The following OXR1 variants were observed in gnomAD, a reference collection of about 807,000 sequenced individuals.
OXR1 encodes oxidation resistance protein 1.
Under a neutral mutation model 104.6 loss-of-function variants are expected in OXR1, and 41 were observed. That is an observed-to-expected ratio of 0.39 (90% CI 0.31 to 0.51). OXR1 has a LOEUF of 0.51. Ranked by LOEUF, OXR1 falls within the 20% of genes least tolerant of loss-of-function variation. The pLI, the probability that OXR1 is intolerant of heterozygous loss-of-function variation, is 0.77. For missense variants in OXR1, 955 were observed against 1,031.9 expected (o/e 0.93, Z 1.02); for synonymous variants, 348 against 348.4 (o/e 1.00, Z 0.01).
At chr8:106,612,155 G>T (rs1820865426) in intron 3 of OXR1, among the ~76,000 whole-genome samples, 1 of 151,386 alleles carries the variant, frequency 6.6e-6, no homozygotes, top group Non-Finnish European at 1.5e-5. Context: ...ATACCTTAAA[G>T]ATTGTCTACC....
At chr8:106,644,629 G>A (rs72682819) in intron 3 of OXR1, among the ~76,000 whole-genome samples, 2,160 of 152,154 alleles carry the variant, frequency 0.014, 28 homozygotes, top group South Asian at 0.062. Context: ...CTGAGGCAGG[G>A]GCTGAGGCAC....
At chr8:106,687,462 G>C (rs1459860834) in intron 6 of OXR1, among the ~76,000 whole-genome samples, 1 of 151,980 alleles carries the variant, frequency 6.6e-6, no homozygotes, top group African/African-American at 2.4e-5. Context: ...GGCTCACGCT[G>C]GTAATCCCAG....
chr8:106,282,600 A>G (rs190794364), intron 1 of OXR1, among the ~76,000 whole-genome samples: 1 of 152,362 alleles, frequency 6.6e-6, no homozygotes. Flanking sequence ...AAAAGAAAGT[A>G]AACTAGAGAA....
At chr8:106,568,120 C>T (rs1817213877) in intron 3 of OXR1, among the ~76,000 whole-genome samples, 2 of 152,028 alleles carry the variant, frequency 1.3e-5, no homozygotes, top group Admixed American at 6.6e-5. Context: ...ATCTTGTTTT[C>T]TTCTGCACTA....
At chr8:106,743,107 A>G (rs1835061989) in intron 15 of OXR1, among the ~76,000 whole-genome samples, 1 of 152,102 alleles carries the variant, frequency 6.6e-6, no homozygotes, top group Non-Finnish European at 1.5e-5. Context: ...GAAAAAAAAC[A>G]CCATTGAAAA....
intron 2 of OXR1, among the ~76,000 whole-genome samples, chr8:106,383,784 G>A (rs141497473): frequency 8.1e-4 from 123 of 152,230 alleles, no homozygotes; most frequent in African/African-American, 2.7e-3. Flanking sequence ...GCCATACATC[G>A]TAAGCCAAGT....
At chr8:106,535,400 A>G (rs1205616173) in intron 3 of OXR1, among the ~76,000 whole-genome samples, 1 of 152,226 alleles carries the variant, frequency 6.6e-6, no homozygotes, top group Admixed American at 6.5e-5. Context: ...TCTGGAAAGA[A>G]GGAGAGAAAC....
chr8:106,718,696 G>A (rs539348396), intron 11 of OXR1, among the ~76,000 whole-genome samples: 8 of 151,998 alleles, frequency 5.3e-5, no homozygotes, highest in South Asian at 2.1e-4. Flanking sequence ...AAAATTAGCC[G>A]GGCGTGGTGG....
chr8:106,748,964 T>C (rs947112000), intron 16 of OXR1, among the ~76,000 whole-genome samples: 1 of 152,218 alleles, frequency 6.6e-6, no homozygotes, highest in African/African-American at 2.4e-5. Flanking sequence ...ATGTAATTAA[T>C]ATACATTATA....
At chr8:106,642,093 CAATT>C (rs1823700050) in intron 3 of OXR1, among the ~76,000 whole-genome samples, 1 of 152,022 alleles carries the variant, frequency 6.6e-6, no homozygotes, top group Admixed American at 6.6e-5. Flanking sequence ...TTATTTTTCT[CAATT>C]AAGAAGAATG....
intron 1 of OXR1, among the ~76,000 whole-genome samples, chr8:106,297,641 G>A (rs1813054957): frequency 1.3e-5 from 2 of 152,156 alleles, no homozygotes; most frequent in South Asian, 2.1e-4. Context: ...TGGGACCACT[G>A]TCTTATATGC....
At chr8:106,284,507 T>C (rs961008485) in intron 1 of OXR1, among the ~76,000 whole-genome samples, 13 of 152,148 alleles carry the variant, frequency 8.5e-5, no homozygotes, top group Non-Finnish European at 1.5e-4. Context: ...CATAATGATA[T>C]CTATTTTCCA....
intron 7 of OXR1, among the ~76,000 whole-genome samples, chr8:106,693,606 T>C (rs373774370): frequency 6.6e-6 from 1 of 151,956 alleles, no homozygotes; most frequent in Non-Finnish European, 1.5e-5. Flanking sequence ...ACTTTTTGTA[T>C]TTTTAGTAGA....
chr8:106,490,743 G>T (rs540730258), intron 2 of OXR1, among the ~76,000 whole-genome samples: 1 of 152,196 alleles, frequency 6.6e-6, no homozygotes, highest in East Asian at 1.9e-4. Context: ...GGAAATGTAA[G>T]TGGGCAAGCA....
At chr8:106,342,667 A>G (rs753156607) in intron 1 of OXR1, among the ~76,000 whole-genome samples, 2 of 152,056 alleles carry the variant, frequency 1.3e-5, no homozygotes, top group Non-Finnish European at 2.9e-5. Flanking sequence ...TGTGCAGCCC[A>G]TACCAGTTTG....
chr8:106,526,744 T>C (rs923505905), intron 3 of OXR1, among the ~76,000 whole-genome samples: 17 of 152,286 alleles, frequency 1.1e-4, no homozygotes, highest in South Asian at 4.1e-4. Flanking sequence ...AGGTTTTCAC[T>C]GTGTTAGCCA....
intron 11 of OXR1, among the ~76,000 whole-genome samples, chr8:106,729,444 C>T (rs962939646): frequency 1.3e-5 from 2 of 151,718 alleles, no homozygotes; most frequent in Admixed American, 6.6e-5. Flanking sequence ...AAAGTATTTC[C>T]ATTTGAAGAA....
chr8:106,475,027 A>G (rs942681996), intron 2 of OXR1, among the ~76,000 whole-genome samples: 4 of 151,930 alleles, frequency 2.6e-5, no homozygotes, highest in African/African-American at 9.7e-5. Flanking sequence ...TAAGGAAAAT[A>G]TAGTACTAGT....
intron 2 of OXR1, among the ~76,000 whole-genome samples, chr8:106,496,939 G>A (rs1811454149): frequency 1.3e-5 from 2 of 152,114 alleles, no homozygotes; most frequent in African/African-American, 2.4e-5. Flanking sequence ...AGACTGGGAG[G>A]GTCAAGGAAG....
Sources: gnomAD v4.1 joint callset for allele counts (sites outside exome capture counted in the v4.1 genomes callset) on GRCh38, gnomAD v4.1.1 for gene constraint, MANE v1.5 for transcripts, NCBI Gene and HGNC (gene_info 2026-07-23, HGNC 2026-07-21) for gene names.